The following IL1RAPL1 variants were observed in gnomAD, a reference collection of about 807,000 sequenced individuals.
The protein encoded by IL1RAPL1 is interleukin 1 receptor accessory protein like 1, also known as interleukin-1 receptor accessory protein-like 1.
In IL1RAPL1, 3 loss-of-function variants were observed where a neutral mutation model predicts 48.4. That is an observed-to-expected ratio of 0.06 (90% confidence interval 0.03 to 0.16). The LOEUF (loss-of-function observed/expected upper bound fraction) is 0.16, where lower values mean the gene tolerates loss of function less well. IL1RAPL1 is among the 10% of genes least tolerant of loss of function. The probability of loss-of-function intolerance (pLI) is 1.00; values close to 1 mark genes in which losing one functional copy is unlikely to be tolerated. For synonymous variants in IL1RAPL1, 185 were observed against 187.7 expected (o/e 0.99, Z 0.12); for missense variants, 349 against 530.6 (o/e 0.66, Z 3.36).
At chrX:29,677,837 T>TA (rs1422946000) in intron 6 of IL1RAPL1, among the ~76,000 whole-genome samples, 2 of 112,327 alleles carry the variant, frequency 1.8e-5, no homozygotes, top group Non-Finnish European at 3.8e-5. Flanking sequence ...AATAGTTAAG[T>TA]AACCAGAATA....
At chrX:29,234,844 A>C (rs1385959511) in intron 2 of IL1RAPL1, among the ~76,000 whole-genome samples, 2 of 112,548 alleles carry the variant, frequency 1.8e-5, no homozygotes, top group East Asian at 2.8e-4. Context: ...ATATTAAATA[A>C]GACAATGCAT....
At chrX:28,895,216 T>C (rs12558546) in intron 2 of IL1RAPL1, among the ~76,000 whole-genome samples, 45,087 of 109,683 alleles carry the variant, frequency 0.41, 6,707 homozygotes, top group Middle Eastern at 0.59. Flanking sequence ...GGCGCAGATC[T>C]TGAACTAACC....
At chrX:29,499,613 T>C (rs773680367) in intron 5 of IL1RAPL1, among the ~76,000 whole-genome samples, 25 of 111,807 alleles carry the variant, frequency 2.2e-4, no homozygotes, top group Non-Finnish European at 4.5e-4. Flanking sequence ...GTCATTCACA[T>C]TTAAAAGTGG....
At chrX:28,788,302 CAGAA>C (rs34297068) in intron 1 of IL1RAPL1, among the ~76,000 whole-genome samples, 7,191 of 111,090 alleles carry the variant, frequency 0.065, 384 homozygotes, top group African/African-American at 0.19. Flanking sequence ...AGCTGAGACA[CAGAA>C]GGATGATTTT....
intron 2 of IL1RAPL1, among the ~76,000 whole-genome samples, chrX:29,029,748 G>T (rs1926573805): frequency 9.0e-6 from 1 of 111,558 alleles, no homozygotes. Context: ...TGATTATAAA[G>T]TCCATCTTAT....
At chrX:29,605,629 A>C (rs1443421075) in intron 5 of IL1RAPL1, among the ~76,000 whole-genome samples, 1 of 111,823 alleles carries the variant, frequency 8.9e-6, no homozygotes, top group Non-Finnish European at 1.9e-5. Flanking sequence ...TGCTAAAAAG[A>C]AAAAGAGCTG....
chrX:29,006,705 T>C (rs1027401518), intron 2 of IL1RAPL1, among the ~76,000 whole-genome samples: 12 of 98,634 alleles, frequency 1.2e-4, no homozygotes, highest in Non-Finnish European at 1.8e-4. Context: ...TATTAAATAT[T>C]CCTCAAATTT....
chrX:29,485,022 G>A (rs776524683), intron 5 of IL1RAPL1, among the ~76,000 whole-genome samples: 5 of 111,631 alleles, frequency 4.5e-5, no homozygotes, highest in African/African-American at 6.5e-5. Context: ...TTGTGTAAGC[G>A]TTTTCCTGAA....
chrX:29,489,286 G>A (rs1342490618), intron 5 of IL1RAPL1, among the ~76,000 whole-genome samples: 2 of 78,373 alleles, frequency 2.6e-5, no homozygotes, highest in Admixed American at 2.3e-4. Context: ...ACATTACATT[G>A]TACACTGTAC....
At chrX:29,055,231 C>T (rs999485725) in intron 2 of IL1RAPL1, among the ~76,000 whole-genome samples, 1 of 110,798 alleles carries the variant, frequency 9.0e-6, no homozygotes, top group African/African-American at 3.3e-5. Flanking sequence ...GAATGTTCCC[C>T]TCAGTGCAAT....
chrX:28,698,771 G>C (rs1463532378), intron 1 of IL1RAPL1, among the ~76,000 whole-genome samples: 1 of 111,599 alleles, frequency 9.0e-6, no homozygotes, highest in Non-Finnish European at 1.9e-5. Context: ...ACAAAAATAA[G>C]TTGAAGTTTT....
intron 5 of IL1RAPL1, among the ~76,000 whole-genome samples, chrX:29,633,347 A>G (rs752039591): frequency 9.0e-6 from 1 of 110,900 alleles, no homozygotes; most frequent in Non-Finnish European, 1.9e-5. Flanking sequence ...CTTTGCTGAG[A>G]AGAGGTGGAA....
At chrX:29,500,753 T>A (rs1336447387) in intron 5 of IL1RAPL1, among the ~76,000 whole-genome samples, 1 of 112,155 alleles carries the variant, frequency 8.9e-6, no homozygotes, top group African/African-American at 3.2e-5. Context: ...ATTTGGGCTG[T>A]TTTGAATAGT....
intron 2 of IL1RAPL1, among the ~76,000 whole-genome samples, chrX:28,825,506 A>G (rs368192166): frequency 7.2e-5 from 8 of 111,393 alleles, no homozygotes. Flanking sequence ...TTTGACAGAT[A>G]TGTAAATAAC....
At chrX:29,857,209 A>G (rs1931493117) in intron 6 of IL1RAPL1, among the ~76,000 whole-genome samples, 1 of 111,650 alleles carries the variant, frequency 9.0e-6, no homozygotes, top group Non-Finnish European at 1.9e-5. Context: ...CACAAGAGAA[A>G]AACTTCCACA....
intron 1 of IL1RAPL1, among the ~76,000 whole-genome samples, chrX:28,693,838 G>A (rs771615899): frequency 3.5e-4 from 39 of 111,411 alleles, no homozygotes; most frequent in Non-Finnish European, 7.0e-4. Context: ...CCCTGTGTAC[G>A]GTGCCCGCCT....
intron 2 of IL1RAPL1, among the ~76,000 whole-genome samples, chrX:28,845,422 C>T (rs1046220295): frequency 4.5e-5 from 5 of 111,288 alleles, no homozygotes; most frequent in Non-Finnish European, 5.7e-5. Flanking sequence ...TAAAATCTCT[C>T]CTTATATGAT....
At chrX:29,358,962 A>G (rs1395468342) in intron 3 of IL1RAPL1, among the ~76,000 whole-genome samples, 1 of 109,351 alleles carries the variant, frequency 9.1e-6, no homozygotes, top group Non-Finnish European at 1.9e-5. Context: ...CAGAGGTTGC[A>G]GTGAGCCGAG....
intron 2 of IL1RAPL1, among the ~76,000 whole-genome samples, chrX:28,866,956 G>A (rs1922092427): frequency 8.9e-6 from 1 of 112,046 alleles, no homozygotes; most frequent in African/African-American, 3.2e-5. Flanking sequence ...CTAAAGTTAA[G>A]TGCAAGATTA....
Sources: gnomAD v4.1 joint callset for allele counts (sites outside exome capture counted in the v4.1 genomes callset) on GRCh38, gnomAD v4.1.1 for gene constraint, MANE v1.5 for transcripts, NCBI Gene and HGNC (gene_info 2026-07-23, HGNC 2026-07-21) for gene names.